Variants in PSG11 observed in about 807,000 individuals in gnomAD.
PSG11 encodes pregnancy specific beta-1-glycoprotein 11, also known as pregnancy-specific beta-1-glycoprotein 11.
In PSG11, 42 loss-of-function variants were observed where a neutral mutation model predicts 36.0. The observed-to-expected ratio is 1.17, with a 90% CI of 0.91 to 1.51. PSG11 has a LOEUF of 1.51. Among genes scored for constraint, PSG11 ranks in the 40% most tolerant of loss-of-function variants. The pLI is 0.00. For synonymous variants in PSG11, 206 were observed against 153.5 expected (o/e 1.34, Z -2.53); for missense variants, 558 against 403.5 (o/e 1.38, Z -3.28).
chr19:43,025,147 C>T, intron 1 of PSG11, 91 bp from the exon 2 acceptor site: 1 of 1,473,980 alleles, frequency 6.8e-7, no homozygotes, highest in African/African-American at 1.5e-5. Context: ...TCTCTTCAAT[C>T]CTCAGCCTTG....
rs201318902 is a variant in PSG11, at chr19:43,015,999, C to T, written c.710-629G>A. 4.6e-5 allele frequency: 74 copies of T among 1,609,956 alleles called. 1 individual carries two copies. Among genetic ancestry groups the T allele is most frequent in the South Asian group, 1.5e-4 (14 of 90,732 alleles). On this transcript the variant is annotated intron_variant, in intron 3 of 5. Coordinates refer to ENST00000320078, the MANE Select transcript of PSG11 (RefSeq NM_002785.3). ...TGAAGGTTAAGACATCCTTATTCTC[C>T]CTGGGGTTTAAGTTGTTGATGGTGA...
Position 43,026,352 on chromosome 19 carries a change from A to C in PSG11, c.21T>G (p.Pro7=), listed in dbSNP as rs749090633. MGPLSA[P]PCTEHIKWKG... Reference sequence around the variant, plus strand: ...TCCATTTGATGTGCTCTGTGCAGGGAGGGGCTGAGAGGGGCCCCATGATCT... The same window carrying C: ...TCCATTTGATGTGCTCTGTGCAGGGCGGGGCTGAGAGGGGCCCCATGATCT... The change falls in exon 1 of 6, where the codon CCT becomes CCG. Residue 7 remains proline, a synonymous_variant. Coordinates refer to ENST00000320078, the MANE Select transcript of PSG11 (RefSeq NM_002785.3). 2 of 1,610,322 alleles carry C rather than the reference A, an allele frequency of 1.2e-6. No individual in the cohort carries two copies. The highest frequency in any genetic ancestry group is 2.2e-5 in the East Asian group (1 of 44,654).
intron 4 of PSG11, 110 bp from the exon 5 acceptor site, chr19:43,010,151 A>G (rs567813115): frequency 1.3e-6 from 2 of 1,482,198 alleles, no homozygotes; most frequent in East Asian, 2.4e-5. Context: ...TTCTTCAAGG[A>G]CTACATTATT....
Position 43,008,023 on chromosome 19 carries a change from T to G in PSG11, c.*60A>C, listed in dbSNP as rs3199134. ...AACTTGTATTCAAGAGTCCTTTTCATAGTCTTTTCCATAAATCTCCTTGAA... is the reference window on the plus strand; with the variant it reads ...AACTTGTATTCAAGAGTCCTTTTCAGAGTCTTTTCCATAAATCTCCTTGAA... On this transcript the variant is annotated 3_prime_UTR_variant, in exon 6 of 6. Coordinates refer to ENST00000320078, the MANE Select transcript of PSG11 (RefSeq NM_002785.3). 4.5e-5 allele frequency: 18 copies of G among 396,550 alleles called. No homozygotes were observed. The highest frequency in any genetic ancestry group is 2.9e-4 in the East Asian group (8 of 27,290). The allele number at this position is 396,550 out of a possible 1,614,324, so 24.6% of individuals were successfully genotyped here. A position where few individuals can be genotyped will look rare whatever the true frequency, so the allele number is the denominator to read the frequency against.
At chr19:43,023,235 A>G (rs1967147472) in intron 2 of PSG11, among the ~76,000 whole-genome samples, 1 of 150,380 alleles carries the variant, frequency 6.6e-6, no homozygotes, top group African/African-American at 2.5e-5. Context: ...AGGTGTGGCT[A>G]GAACCTCCTA....
intron 4 of PSG11, 120 bp downstream of exon 4, chr19:43,014,996 G>C (rs139044489): frequency 1.9e-6 from 3 of 1,582,056 alleles, no homozygotes; most frequent in Non-Finnish European, 1.7e-6. Flanking sequence ...AGGAGAATTT[G>C]GGATTTGCCT....
rs1064913 is a variant in PSG11, at chr19:43,026,385, G to T, written c.-13C>A. ...AGAGGGGCCCCATGATCTCTGCTGC[G>T]TGCATGTTCTCCTCTGTGGAGATGA... On this transcript the variant is annotated 5_prime_UTR_variant, in exon 1 of 6. Coordinates refer to ENST00000320078, the MANE Select transcript of PSG11 (RefSeq NM_002785.3). 1.2e-6 allele frequency: 2 copies of T among 1,606,338 alleles called. No homozygotes were observed. The highest frequency in any genetic ancestry group is 1.7e-6 in the Non-Finnish European group (2 of 1,176,072).
chr19:43,019,187 A>C, intron 2 of PSG11, 139 bp from the exon 3 acceptor site: 1 of 1,488,390 alleles, frequency 6.7e-7, no homozygotes, highest in African/African-American at 1.4e-5. Context: ...GTGTGTTACA[A>C]CACAGATGCA....
At chr19:43,017,936 A>G (rs1967006454) in intron 3 of PSG11, among the ~76,000 whole-genome samples, 1 of 151,354 alleles carries the variant, frequency 6.6e-6, no homozygotes, top group Non-Finnish European at 1.5e-5. Flanking sequence ...TAGTCTAAAG[A>G]ATGATCTAGA....
chr19:43,024,534 T>G (rs1848767786), intron 2 of PSG11, 157 bp downstream of exon 2: 1 of 1,395,184 alleles, frequency 7.2e-7, no homozygotes, highest in Non-Finnish European at 9.9e-7. Context: ...TTGAAATTTG[T>G]CTCCTCTGTG....
At chr19:43,017,675 T>C (rs1249957940) in intron 3 of PSG11, 2 of 151,438 alleles carry the variant, frequency 1.3e-5, no homozygotes, top group Middle Eastern at 3.2e-3. Context: ...AGGGGTTGCA[T>C]TGAATCTGCA....
In PSG11 at chr19:43,018,990, C is replaced by T. The variant is rs1064917; in HGVS notation, c.489G>A (p.Glu163=). 2.5e-5 allele frequency: 41 copies of T among 1,612,102 alleles called. No homozygotes were observed. In the Admixed American group the frequency reaches 4.2e-4, roughly 16 times the overall value. ...SSNLNPREAM[E]TVILTCNPET... is the part of the protein sequence containing the mutation. ...CAGGATTACAGGTTAAGATCACAGT[C>T]TCCATGGCCTCCCTGGGGTTTAAGT... The change falls in exon 3 of 6, where the codon GAG becomes GAA. Residue 163 remains glutamate (E), a synonymous_variant. Transcript: ENST00000320078.
rs767763479 is a variant in PSG11, at chr19:43,015,371, C to G, written c.710-1G>C. ...AAAATTCTGGGGAGGTCTGGACCAT[C>G]TGGAGGAAAGAGAATAAAGCCACAG... On this transcript the variant is annotated splice_acceptor_variant, in intron 3 of 5. Transcript: ENST00000320078. LOFTEE classifies it high-confidence loss of function. 5.0e-6 allele frequency: 8 copies of G among 1,607,412 alleles called. No homozygotes were observed. The Middle Eastern group carries it at 6.6e-4, about 133-fold the overall frequency.
Position 43,020,874 on chromosome 19 carries a change from G to C in PSG11, c.431-1826C>G, listed in dbSNP as rs143990061. On this transcript the variant is annotated intron_variant, in intron 2 of 5. Transcript: ENST00000320078. ...GGGGAGGACCCCAAAACAGGTATGT[G>C]AAATGCTTTCTTCATTTTCTGTTAA... is the stretch of plus-strand genomic sequence containing the variant. Among the ~76,000 whole-genome samples, 131 of 151,560 alleles carry C rather than the reference G, an allele frequency of 8.6e-4. 3 individuals are homozygous for C. The highest frequency in any genetic ancestry group is 7.7e-4 in the Non-Finnish European group (52 of 67,918).
At position 43,014,377 on chromosome 19, in the gene PSG11, G is replaced by A. The variant is rs969702005; in HGVS notation, c.964+739C>T. The A allele has an allele frequency of 6.4e-6, 6 of 931,504 alleles. No homozygotes were observed. The African/African-American group carries it at 1.1e-4, about 17-fold the overall frequency. 57.7% of individuals were successfully genotyped at this position (931,504 alleles called of 1,614,324 possible). A position where few individuals can be genotyped will look rare whatever the true frequency, so the allele number is the denominator to read the frequency against. ...TTTCTCCAGCTCTGCATCAGTCACTGTACTCAGTGCTGTGTCCCACGTGCT... is the reference window on the plus strand; with the variant it reads ...TTTCTCCAGCTCTGCATCAGTCACTATACTCAGTGCTGTGTCCCACGTGCT... On this transcript the variant is annotated intron_variant, in intron 4 of 5. Transcript: ENST00000320078.
chr19:43,020,318 C>T (rs931711529), intron 2 of PSG11, among the ~76,000 whole-genome samples: 1 of 151,294 alleles, frequency 6.6e-6, no homozygotes, highest in African/African-American at 2.4e-5. Flanking sequence ...AATTTAAAAT[C>T]CACAATGCGC....
chr19:43,025,206 A>G, intron 1 of PSG11, 150 bp from the exon 2 acceptor site: 5 of 1,331,414 alleles, frequency 3.8e-6, no homozygotes, highest in Non-Finnish European at 4.1e-6. Flanking sequence ...CACACACAGA[A>G]AAGGGGCATG....
Position 43,010,042 on chromosome 19 carries a change from C to G in PSG11, c.965-1G>C. On this transcript the variant is annotated splice_acceptor_variant, in intron 4 of 5. Coordinates refer to ENST00000320078, the MANE Select transcript of PSG11 (RefSeq NM_002785.3). LOFTEE classifies it high-confidence loss of function. ...GCAAAAGTTCCTAATCCTGGAGGAGCTGTCATGGAAAGAAAAGAAAAGAAG... is the reference window on the plus strand; with the variant it reads ...GCAAAAGTTCCTAATCCTGGAGGAGGTGTCATGGAAAGAAAAGAAAAGAAG... 2 of 1,608,798 alleles carry G rather than the reference C, an allele frequency of 1.2e-6. No homozygotes were observed. The highest frequency in any genetic ancestry group is 1.7e-6 in the Non-Finnish European group (2 of 1,176,464).
intron 3 of PSG11, chr19:43,015,742 T>C: frequency 1.2e-6 from 2 of 1,603,050 alleles, no homozygotes; most frequent in South Asian, 2.2e-5. Context: ...GCTGGTGTCC[T>C]GGCCCACAGA....
Sources: allele counts gnomAD v4.1 joint callset (sites outside exome capture counted in the v4.1 genomes callset), GRCh38; gene constraint gnomAD v4.1.1; transcripts MANE v1.5; gene names NCBI Gene and HGNC (gene_info 2026-07-23, HGNC 2026-07-21).